The following ASTN2 variants were observed in gnomAD, a reference collection of about 807,000 sequenced individuals.
ASTN2 encodes the protein astrotactin 2, also known as astrotactin-2.
In ASTN2, 54 loss-of-function variants were observed where a neutral mutation model predicts 139.8. The observed-to-expected ratio is 0.39, with a 90% CI of 0.31 to 0.48. The LOEUF (loss-of-function observed/expected upper bound fraction) is 0.48. Among genes scored for constraint, ASTN2 ranks in the 20% least tolerant of loss-of-function variants. The pLI is 0.95. For synonymous variants in ASTN2, 756 were observed against 719.5 expected (o/e 1.05, Z -0.81); for missense variants, 1,565 against 1,725.1 (o/e 0.91, Z 1.64).
chr9:116,484,472 G>T (rs975591036), intron 20 of ASTN2, among the ~76,000 whole-genome samples: 2 of 152,132 alleles, frequency 1.3e-5, no homozygotes, highest in Non-Finnish European at 2.9e-5. Context: ...CTTGGCTCAA[G>T]AGGAAGACGA....
chr9:117,095,956 T>C (rs1346839060), intron 5 of ASTN2, 88 bp downstream of exon 5: 8 of 1,257,296 alleles, frequency 6.4e-6, no homozygotes, highest in Non-Finnish European at 9.2e-6. Flanking sequence ...TTAGAGAAGA[T>C]TTAGGATTTG....
chr9:116,695,859 T>C (rs1860821576), intron 16 of ASTN2, among the ~76,000 whole-genome samples: 2 of 152,192 alleles, frequency 1.3e-5, no homozygotes, highest in African/African-American at 2.4e-5. Context: ...CAGAGGGTAC[T>C]CTAAGCCAGA....
intron 10 of ASTN2, among the ~76,000 whole-genome samples, chr9:116,929,753 T>A (rs368071490): frequency 6.6e-6 from 1 of 152,204 alleles, no homozygotes. Flanking sequence ...ATTAAACCTA[T>A]ACTGTTAATA....
intron 16 of ASTN2, among the ~76,000 whole-genome samples, chr9:116,691,919 G>A (rs1235772163): frequency 6.6e-6 from 1 of 152,192 alleles, no homozygotes; most frequent in African/African-American, 2.4e-5. Context: ...CCAGGGGAGC[G>A]TGTCAATAGT....
chr9:116,798,344 G>C (rs1830755037), intron 13 of ASTN2, among the ~76,000 whole-genome samples: 1 of 152,186 alleles, frequency 6.6e-6, no homozygotes, highest in Non-Finnish European at 1.5e-5. Flanking sequence ...TAAATTTTGT[G>C]GTTCTTCAGT....
At chr9:117,244,342 T>C (rs989877596) in intron 2 of ASTN2, among the ~76,000 whole-genome samples, 1 of 152,162 alleles carries the variant, frequency 6.6e-6, no homozygotes, top group Non-Finnish European at 1.5e-5. Flanking sequence ...GAGATGTACA[T>C]ATACATACTA....
chr9:116,835,206 G>T (rs1323735271), intron 11 of ASTN2, among the ~76,000 whole-genome samples: 1 of 152,076 alleles, frequency 6.6e-6, no homozygotes, highest in African/African-American at 2.4e-5. Flanking sequence ...TATCTGAGGG[G>T]TCTGGGGAGT....
At chr9:116,754,707 C>A (rs1426388923) in intron 13 of ASTN2, among the ~76,000 whole-genome samples, 1 of 152,130 alleles carries the variant, frequency 6.6e-6, no homozygotes, top group African/African-American at 2.4e-5. Flanking sequence ...GTTGTATAGA[C>A]TCTCAAGCTG....
chr9:116,670,672 C>A (rs1859143577), intron 16 of ASTN2, among the ~76,000 whole-genome samples: 1 of 152,090 alleles, frequency 6.6e-6, no homozygotes, highest in Non-Finnish European at 1.5e-5. Context: ...GGCTGAAATA[C>A]TGGAGCAAAG....
At chr9:116,926,191 G>A (rs181227155) in intron 10 of ASTN2, among the ~76,000 whole-genome samples, 20 of 152,188 alleles carry the variant, frequency 1.3e-4, no homozygotes, top group African/African-American at 4.8e-4. Flanking sequence ...ATACTACAGT[G>A]TCTAAGAAAC....
intron 7 of ASTN2, 125 bp from the exon 8 acceptor site, chr9:116,976,910 A>T: frequency 1.3e-6 from 1 of 744,730 alleles, no homozygotes. Flanking sequence ...ACATGGAAAG[A>T]GGGTAATCTT....
chr9:116,446,483 A>C (rs1848003301), intron 20 of ASTN2, among the ~76,000 whole-genome samples: 1 of 152,154 alleles, frequency 6.6e-6, no homozygotes. Flanking sequence ...GCCCAGAAGG[A>C]AAAATGACTT....
chr9:116,601,436 AGGTAACTCT>A (rs1335073144), intron 19 of ASTN2, among the ~76,000 whole-genome samples: 1 of 152,170 alleles, frequency 6.6e-6, no homozygotes, highest in Admixed American at 6.6e-5. Context: ...ATATTTTAAC[AGGTAACTCT>A]GGCTTTAGAG....
intron 10 of ASTN2, among the ~76,000 whole-genome samples, chr9:116,933,979 C>CTTTT (rs148724828): frequency 0.024 from 2,103 of 86,638 alleles, 334 homozygotes; most frequent in Middle Eastern, 0.036. Context: ...AGTGTTAGTC[C>CTTTT]TTTTTTTTTT....
At chr9:117,188,958 C>G (rs534518869) in intron 3 of ASTN2, among the ~76,000 whole-genome samples, 1 of 152,138 alleles carries the variant, frequency 6.6e-6, no homozygotes, top group East Asian at 1.9e-4. Context: ...TTCCCCAGAG[C>G]GTGGAGTCTG....
intron 6 of ASTN2, among the ~76,000 whole-genome samples, chr9:117,033,152 A>C (rs1838293195): frequency 6.6e-6 from 1 of 152,136 alleles, no homozygotes; most frequent in South Asian, 2.1e-4. Context: ...AAAAGTCCTA[A>C]AAAATTAAGT....
intron 13 of ASTN2, among the ~76,000 whole-genome samples, chr9:116,769,238 T>A (rs560750555): frequency 1.3e-5 from 2 of 152,134 alleles, no homozygotes; most frequent in Non-Finnish European, 2.9e-5. Flanking sequence ...TAAACAATGG[T>A]GCTAAATAAA....
At chr9:117,305,329 T>C (rs1031389933) in intron 1 of ASTN2, among the ~76,000 whole-genome samples, 2 of 152,198 alleles carry the variant, frequency 1.3e-5, no homozygotes, top group Non-Finnish European at 2.9e-5. Flanking sequence ...ATGTTCCCTG[T>C]GCAAAAGTCA....
At chr9:117,042,256 T>C (rs896028818) in intron 5 of ASTN2, among the ~76,000 whole-genome samples, 14 of 152,194 alleles carry the variant, frequency 9.2e-5, no homozygotes, top group African/African-American at 2.4e-4. Context: ...CGTTGGGGTA[T>C]TGCCTGTATG....
Sources: gnomAD v4.1 joint callset for allele counts (sites outside exome capture counted in the v4.1 genomes callset) on GRCh38, gnomAD v4.1.1 for gene constraint, MANE v1.5 for transcripts, NCBI Gene and HGNC (gene_info 2026-07-23, HGNC 2026-07-21) for gene names.